Variants in ROBO2 observed in about 807,000 individuals in gnomAD.
The protein encoded by ROBO2 is roundabout guidance receptor 2.
Under a neutral mutation model 160.8 loss-of-function variants are expected in ROBO2, and 53 were observed. The ratio of observed to expected loss-of-function variants is 0.33; its 90% CI spans 0.26 to 0.41. The LOEUF is 0.41. Among genes scored for constraint, ROBO2 ranks in the 10% least tolerant of loss-of-function variants. The probability of loss-of-function intolerance (pLI) is 1.00; values close to 1 mark genes in which losing one functional copy is unlikely to be tolerated. For synonymous variants in ROBO2, 664 were observed against 611.7 expected, an observed-to-expected ratio of 1.09 and a Z score of -1.26; for missense variants, 1,577 against 1,722.4, an observed-to-expected ratio of 0.92 and a Z score of 1.49.
chr3:77,445,619 A>T (rs966890616), intron 2 of ROBO2, among the ~76,000 whole-genome samples: 26 of 152,070 alleles, frequency 1.7e-4, no homozygotes, highest in African/African-American at 6.0e-4. Flanking sequence ...TTTTCCACAA[A>T]GTAAAGAAAA....
chr3:77,200,321 A>G (rs200728970), intron 2 of ROBO2, among the ~76,000 whole-genome samples: 1 of 54,890 alleles, frequency 1.8e-5, no homozygotes, highest in East Asian at 4.9e-4. Context: ...ATATATATAT[A>G]TTTTAGTTTC....
chr3:77,452,803 G>A (rs905559059), intron 2 of ROBO2, among the ~76,000 whole-genome samples: 1 of 152,030 alleles, frequency 6.6e-6, no homozygotes, highest in African/African-American at 2.4e-5. Flanking sequence ...TTTAATTATA[G>A]AAATCAATGG....
At chr3:77,123,668 G>C (rs575278718) in intron 2 of ROBO2, among the ~76,000 whole-genome samples, 4 of 150,606 alleles carry the variant, frequency 2.7e-5, no homozygotes, top group Non-Finnish European at 5.9e-5. Flanking sequence ...ACGTAGGTAA[G>C]GGTAGAGGAC....
At chr3:76,307,670 G>A (rs1257267493) in intron 2 of ROBO2, among the ~76,000 whole-genome samples, 1 of 151,862 alleles carries the variant, frequency 6.6e-6, no homozygotes, top group Admixed American at 6.6e-5. Flanking sequence ...CCATGCGCCC[G>A]ACTCAGTAAA....
At chr3:77,214,650 A>G (rs1302733441) in intron 2 of ROBO2, among the ~76,000 whole-genome samples, 1 of 152,170 alleles carries the variant, frequency 6.6e-6, no homozygotes, top group Non-Finnish European at 1.5e-5. Flanking sequence ...TTTGCTCATT[A>G]GTTGATGCAG....
At chr3:77,273,775 G>A (rs1301152871) in intron 2 of ROBO2, among the ~76,000 whole-genome samples, 1 of 152,130 alleles carries the variant, frequency 6.6e-6, no homozygotes, top group Non-Finnish European at 1.5e-5. Flanking sequence ...GCTTTGCAGG[G>A]GCCAGGGTTG....
At chr3:76,208,649 A>G (rs35286145) in intron 2 of ROBO2, among the ~76,000 whole-genome samples, 68,137 of 151,934 alleles carry the variant, frequency 0.45, 15,623 homozygotes, top group Non-Finnish European at 0.48. Context: ...ACAGTTCTAG[A>G]AATCTCTCTG....
At chr3:76,061,039 C>G (rs2068054609) in intron 2 of ROBO2, among the ~76,000 whole-genome samples, 1 of 152,114 alleles carries the variant, frequency 6.6e-6, no homozygotes, top group Non-Finnish European at 1.5e-5. Flanking sequence ...TTTATTTTCC[C>G]TGGTACGATT....
At chr3:76,730,127 C>T (rs2093612361) in intron 2 of ROBO2, among the ~76,000 whole-genome samples, 1 of 152,010 alleles carries the variant, frequency 6.6e-6, no homozygotes, top group Non-Finnish European at 1.5e-5. Context: ...TCTTACTGTC[C>T]TTCACTCTCC....
At chr3:76,649,560 A>G (rs549157254) in intron 2 of ROBO2, among the ~76,000 whole-genome samples, 24 of 152,270 alleles carry the variant, frequency 1.6e-4, no homozygotes, top group African/African-American at 5.3e-4. Flanking sequence ...GAAGTTAAAA[A>G]TTTATTAGGT....
At chr3:76,600,655 A>C (rs1339929371) in intron 2 of ROBO2, among the ~76,000 whole-genome samples, 1 of 152,114 alleles carries the variant, frequency 6.6e-6, no homozygotes, top group Non-Finnish European at 1.5e-5. Context: ...CCCAAAATTC[A>C]ATCACCTCCC....
chr3:77,274,222 A>G (rs1343131003), intron 2 of ROBO2, among the ~76,000 whole-genome samples: 1 of 152,168 alleles, frequency 6.6e-6, no homozygotes, highest in Non-Finnish European at 1.5e-5. Flanking sequence ...ATTTGCATAT[A>G]AAGTGTTGTA....
chr3:76,996,771 G>C (rs2061038323), intron 2 of ROBO2, among the ~76,000 whole-genome samples: 1 of 152,104 alleles, frequency 6.6e-6, no homozygotes, highest in African/African-American at 2.4e-5. Flanking sequence ...GTTTAACAAA[G>C]TAAACTAGTC....
At chr3:77,330,673 T>A (rs1489418281) in intron 2 of ROBO2, among the ~76,000 whole-genome samples, 7 of 152,130 alleles carry the variant, frequency 4.6e-5, no homozygotes, top group African/African-American at 1.7e-4. Context: ...AGAAGATCAT[T>A]TTGGAGTGGA....
intron 2 of ROBO2, among the ~76,000 whole-genome samples, chr3:77,031,046 A>C (rs892019107): frequency 4.6e-5 from 7 of 152,132 alleles, no homozygotes; most frequent in Non-Finnish European, 8.8e-5. Context: ...GCTGGTAACA[A>C]ATATTTCCAG....
At chr3:76,741,642 T>C (rs1371219377) in intron 2 of ROBO2, among the ~76,000 whole-genome samples, 5 of 152,108 alleles carry the variant, frequency 3.3e-5, no homozygotes, top group Non-Finnish European at 1.5e-5. Context: ...ATAATCCAGA[T>C]ATTCTTGGTC....
intron 2 of ROBO2, among the ~76,000 whole-genome samples, chr3:77,446,712 A>C (rs2080562461): frequency 6.6e-6 from 1 of 152,080 alleles, no homozygotes; most frequent in Non-Finnish European, 1.5e-5. Flanking sequence ...TTAAAATTAA[A>C]TATGAATGTC....
At chr3:76,716,943 C>T (rs1439729326) in intron 2 of ROBO2, among the ~76,000 whole-genome samples, 1 of 152,070 alleles carries the variant, frequency 6.6e-6, no homozygotes, top group Non-Finnish European at 1.5e-5. Context: ...TAGTTTATTG[C>T]GAGGATGTTA....
At chr3:77,472,643 A>G (rs982396339) in intron 2 of ROBO2, among the ~76,000 whole-genome samples, 3 of 152,138 alleles carry the variant, frequency 2.0e-5, no homozygotes, top group African/African-American at 7.2e-5. Context: ...TGGAGATTTG[A>G]AACCCTGTAT....
Sources: allele counts gnomAD v4.1 joint callset (sites outside exome capture counted in the v4.1 genomes callset), GRCh38; gene constraint gnomAD v4.1.1; transcripts MANE v1.5; gene names NCBI Gene and HGNC (gene_info 2026-07-23, HGNC 2026-07-21).